ANKRD36: variants seen among roughly 807,000 people sequenced by gnomAD.
ANKRD36 encodes ankyrin repeat domain-containing protein 36A.
Under a neutral mutation model 278.1 loss-of-function variants are expected in ANKRD36, and 179 were observed. The observed-to-expected ratio is 0.64, with a 90% confidence interval of 0.57 to 0.73. The LOEUF (loss-of-function observed/expected upper bound fraction) is 0.73. ANKRD36 is among the 30% of genes least tolerant of loss of function. The pLI, the probability that ANKRD36 is intolerant of heterozygous loss-of-function variation, is 0.00. For synonymous variants in ANKRD36, 320 were observed against 641.1 expected (o/e 0.50, Z 7.57); for missense variants, 1,159 against 1,956.7 (o/e 0.59, Z 7.69).
At chr2:97,157,044 A>T (rs866457416) in intron 15 of ANKRD36, among the ~76,000 whole-genome samples, 70 of 151,616 alleles carry the variant, frequency 4.6e-4, no homozygotes, top group African/African-American at 1.6e-3. Flanking sequence ...CTGTTCAAGG[A>T]CATACATTAC....
At chr2:97,203,945 A>G (rs2062085461) in intron 48 of ANKRD36, 123 bp from the exon 49 acceptor site, 1 of 1,435,844 alleles carries the variant, frequency 7.0e-7, no homozygotes, top group African/African-American at 1.5e-5. Context: ...CCAAAATTAG[A>G]AGCCATCAAA....
rs750745456 is a variant in ANKRD36 at position 97,243,902 on chromosome 2, A to C, written c.4364A>C (p.Lys1455Thr). ...KRRNVEEVHQ[K>T]VREKLRITEE... ...AGAAATGTTGAAGAGGTGCACCAAAAAGTTAGGGAAAAGTTAAGAATAACA... is the reference window on the plus strand; with the variant it reads ...AGAAATGTTGAAGAGGTGCACCAAACAGTTAGGGAAAAGTTAAGAATAACA... The change falls in exon 70 of 76, where the codon AAA becomes ACA. Residue 1455 changes from lysine (K) to threonine (T), a missense_variant. Coordinates refer to ENST00000420699, the MANE Select transcript of ANKRD36 (RefSeq NM_001354587.1). 3.1e-6 allele frequency: 5 copies of C among 1,607,052 alleles called. No homozygotes were observed. The Admixed American group carries it at 8.4e-5, about 27-fold the overall frequency.
chr2:97,207,405 A>G (rs1200264219), intron 52 of ANKRD36, among the ~76,000 whole-genome samples: 14 of 151,520 alleles, frequency 9.2e-5, no homozygotes, highest in Admixed American at 8.6e-4. Context: ...TGTTTGTAGT[A>G]TAATGGTGTA....
rs1462683530 is a variant in ANKRD36, at chr2:97,206,272, G to A, written c.3163+137G>A. 7.6e-6 allele frequency: 8 copies of A among 1,055,414 alleles called. No individual in the cohort carries two copies. The South Asian group carries it at 8.8e-5, about 12-fold the overall frequency. The allele number at this position is 1,055,414 out of a possible 1,614,324, so 65.4% of individuals were successfully genotyped here. A position where few individuals can be genotyped will look rare whatever the true frequency, so the allele number is the denominator to read the frequency against. Reference sequence around the variant, plus strand: ...GCCGGAGATTCTTCATTTGTAGTACGTTCTTGGGTGATGCTGATGCTGCTG... The same window carrying A: ...GCCGGAGATTCTTCATTTGTAGTACATTCTTGGGTGATGCTGATGCTGCTG... On this transcript the variant is annotated intron_variant, in intron 52 of 75. Transcript: ENST00000420699.
intron 44 of ANKRD36, among the ~76,000 whole-genome samples, chr2:97,199,933 G>T (rs893541501): frequency 6.6e-6 from 1 of 151,882 alleles, no homozygotes; most frequent in African/African-American, 2.4e-5. Flanking sequence ...CAGTATAATG[G>T]TGTAAATCCT....
intron 22 of ANKRD36, among the ~76,000 whole-genome samples, chr2:97,170,821 C>T (rs1468689733): frequency 6.6e-6 from 1 of 151,156 alleles, no homozygotes; most frequent in Non-Finnish European, 1.5e-5. Flanking sequence ...GGCTAATATC[C>T]AGAATCTACA....
chr2:97,137,312 A>C (rs2041774977), intron 6 of ANKRD36, among the ~76,000 whole-genome samples: 1 of 151,560 alleles, frequency 6.6e-6, no homozygotes, highest in African/African-American at 2.4e-5. Flanking sequence ...ACACTCAGCT[A>C]CTTTTTTTTT....
chr2:97,175,559 TC>T (rs1343656640), intron 22 of ANKRD36, among the ~76,000 whole-genome samples: 1 of 151,966 alleles, frequency 6.6e-6, no homozygotes, highest in Non-Finnish European at 1.5e-5. Flanking sequence ...ATTTTGTTGA[TC>T]CTTTCAAAAA....
chr2:97,217,135 A>G (rs1211382671), intron 62 of ANKRD36, 42 bp from the exon 63 acceptor site: 5 of 1,536,570 alleles, frequency 3.3e-6, no homozygotes, highest in African/African-American at 2.8e-5. Context: ...CGACTTTGTC[A>G]TATTTACATA....
At chr2:97,121,162 T>C (rs573066851) in intron 3 of ANKRD36, among the ~76,000 whole-genome samples, 2 of 152,226 alleles carry the variant, frequency 1.3e-5, no homozygotes, top group South Asian at 4.2e-4. Flanking sequence ...CCTTTGGTAA[T>C]CGGGTTGAAC....
intron 54 of ANKRD36, among the ~76,000 whole-genome samples, chr2:97,208,365 G>A (rs1178887256): frequency 5.5e-5 from 8 of 146,604 alleles, no homozygotes; most frequent in Admixed American, 4.7e-4. Context: ...AGCTCGTACT[G>A]CCAAGAAAAG....
At chr2:97,142,906 C>T (rs1223280472) in intron 8 of ANKRD36, 71 bp downstream of exon 8, 193 of 1,464,650 alleles carry the variant, frequency 1.3e-4, no homozygotes, top group Middle Eastern at 1.8e-4. Context: ...CTGAATAAAT[C>T]GCAGGGAGCT....
intron 52 of ANKRD36, among the ~76,000 whole-genome samples, chr2:97,206,679 A>T (rs907794773): frequency 6.6e-5 from 10 of 151,426 alleles, no homozygotes; most frequent in Non-Finnish European, 4.4e-5. Context: ...CTCACTTCAG[A>T]TGCATTTGGA....
chr2:97,188,730 A>C (rs1245453145), intron 32 of ANKRD36, among the ~76,000 whole-genome samples: 5 of 96,544 alleles, frequency 5.2e-5, no homozygotes, highest in African/African-American at 1.3e-4. Flanking sequence ...ATGTGGGATC[A>C]TGTAGCACCT....
At chr2:97,205,755 G>A (rs1575897754) in intron 50 of ANKRD36, among the ~76,000 whole-genome samples, 185 bp from the exon 51 acceptor site, 1 of 151,384 alleles carries the variant, frequency 6.6e-6, no homozygotes, top group African/African-American at 2.4e-5. Flanking sequence ...ATATTTCATG[G>A]AGCCTGTATT....
intron 67 of ANKRD36, among the ~76,000 whole-genome samples, chr2:97,230,410 T>G (rs1261018645): frequency 6.6e-6 from 1 of 152,120 alleles, no homozygotes; most frequent in Non-Finnish European, 1.5e-5. Flanking sequence ...ACTGATACCC[T>G]TTCTTCCAGT....
At chr2:97,202,529 A>C (rs1202738295) in intron 48 of ANKRD36, 136 bp downstream of exon 48, 43 of 1,386,686 alleles carry the variant, frequency 3.1e-5, no homozygotes, top group East Asian at 5.1e-5. Context: ...ATTTGTAGTA[A>C]GTTCTTGGGT....
At chr2:97,226,433 G>C (rs2069657547) in intron 67 of ANKRD36, among the ~76,000 whole-genome samples, 1 of 150,136 alleles carries the variant, frequency 6.7e-6, no homozygotes, top group East Asian at 2.1e-4. Context: ...CTTTTGAGAA[G>C]TGTCTGTTCA....
chr2:97,253,045 TAC>T (rs1267204240), intron 75 of ANKRD36, among the ~76,000 whole-genome samples: 1 of 36,746 alleles, frequency 2.7e-5, no homozygotes, highest in East Asian at 1.5e-3. Context: ...CTCATTAAGC[TAC>T]ACAGTTATTT....
Sources: allele counts gnomAD v4.1 joint callset (sites outside exome capture counted in the v4.1 genomes callset), GRCh38; gene constraint gnomAD v4.1.1; transcripts MANE v1.5; gene names NCBI Gene and HGNC (gene_info 2026-07-23, HGNC 2026-07-21).